HIVEP3: variants seen among roughly 807,000 people sequenced by gnomAD.
HIVEP3 encodes the protein HIVEP zinc finger 3, also known as transcription factor HIVEP3.
Under a neutral mutation model 152.8 loss-of-function variants are expected in HIVEP3, and 49 were observed. That is an observed-to-expected ratio of 0.32 (90% CI 0.26 to 0.41). HIVEP3 has a LOEUF of 0.41. HIVEP3 is among the 10% of genes least tolerant of loss of function. HIVEP3 has a pLI of 1.00. For missense variants in HIVEP3, 2,790 were observed against 3,103.3 expected (o/e 0.90, Z 2.40); for synonymous variants, 1,269 against 1,289.0 (o/e 0.98, Z 0.33).
chr1:41,664,012 C>T lies in HIVEP3; in HGVS notation c.-720-35065G>A, dbSNP rs1645757334. Among the ~76,000 whole-genome samples the T allele has an allele frequency of 6.6e-6, 1 of 152,200 alleles. No individual in the cohort carries two copies. The highest frequency in any genetic ancestry group is 1.5e-5 in the Non-Finnish European group (1 of 68,032). ...GAGCTCAGCCCATCCTGCCATTTGC[C>T]CAGCCACCACCCCCAACACGCACCA... On this transcript the variant is annotated intron_variant, in intron 2 of 8. Transcript: ENST00000372583. The surrounding 1 kb of genome is among the most constrained non-coding windows in gnomAD (Gnocchi z 4.4).
intron 3 of HIVEP3, among the ~76,000 whole-genome samples, chr1:41,605,764 T>C (rs1644814511): frequency 6.6e-6 from 1 of 151,858 alleles, no homozygotes; most frequent in Non-Finnish European, 1.5e-5. Flanking sequence ...GGGGAAACCC[T>C]AATTGTGTGA....
At chr1:41,792,080 T>C (rs1007598999) in intron 1 of HIVEP3, among the ~76,000 whole-genome samples, 2 of 152,204 alleles carry the variant, frequency 1.3e-5, no homozygotes, top group Non-Finnish European at 2.9e-5. Flanking sequence ...ATATCTACCA[T>C]GAACCCTCTA....
intron 1 of HIVEP3, among the ~76,000 whole-genome samples, chr1:41,796,115 C>T (rs547974891): frequency 2.6e-5 from 4 of 152,292 alleles, no homozygotes; most frequent in South Asian, 2.1e-4. Context: ...TCTATCTGTA[C>T]GTATATTAAA....
intron 2 of HIVEP3, among the ~76,000 whole-genome samples, chr1:41,693,292 G>A (rs1053785558): frequency 4.6e-5 from 7 of 152,088 alleles, no homozygotes; most frequent in East Asian, 1.9e-4. Flanking sequence ...GTATCAATTC[G>A]TGACCCACTA....
intron 1 of HIVEP3, among the ~76,000 whole-genome samples, chr1:41,775,405 C>G (rs1648632618): frequency 6.6e-6 from 1 of 152,226 alleles, no homozygotes; most frequent in Non-Finnish European, 1.5e-5. Flanking sequence ...CCTGAGTTGC[C>G]AAAAACAGCC....
Position 42,018,311 on chromosome 1 carries a change from A to G in HIVEP3, n.119+17496T>C, listed in dbSNP as rs545454731. 1.2e-4 allele frequency among the ~76,000 whole-genome samples: 18 copies of G among 151,520 alleles called. No individual in the cohort carries two copies. The South Asian group carries it at 3.8e-3, about 32-fold the overall frequency. Reference sequence around the variant, plus strand: ...GTTTAAGAAATGTTTGGCTATTCTAAGGATATACAGATATTCTCTTATGTT... The same window carrying G: ...GTTTAAGAAATGTTTGGCTATTCTAGGGATATACAGATATTCTCTTATGTT... On this transcript the variant is annotated intron_variant and non_coding_transcript_variant, in intron 1 of 3. Transcript: ENST00000489103.
At chr1:41,720,307 T>C (rs1015468885) in intron 1 of HIVEP3, among the ~76,000 whole-genome samples, 1 of 152,338 alleles carries the variant, frequency 6.6e-6, no homozygotes, top group South Asian at 2.1e-4. Flanking sequence ...GGAGATCCTA[T>C]AATTTTCCCC....
Position 41,644,661 on chromosome 1 carries a change from C to A in HIVEP3, c.-720-15714G>T, listed in dbSNP as rs1322766122. On this transcript the variant is annotated intron_variant, in intron 2 of 8. Coordinates refer to ENST00000372583, the MANE Select transcript of HIVEP3 (RefSeq NM_024503.5). The stretch of plus-strand genomic sequence containing the variant: ...GTGGCAATCTTCATGCCCATATAAC[C>A]CAGGGATTTAAAGCACACTTGCATA... Among the ~76,000 whole-genome samples, 5 of 150,074 alleles carry A rather than the reference C, an allele frequency of 3.3e-5. No individual in the cohort carries two copies. In the East Asian group the frequency reaches 7.8e-4, roughly 23 times the overall value.
At chr1:41,799,691 G>A (rs1650190608) in intron 1 of HIVEP3, among the ~76,000 whole-genome samples, 1 of 152,010 alleles carries the variant, frequency 6.6e-6, no homozygotes, top group Non-Finnish European at 1.5e-5. Flanking sequence ...CCAAGAATGA[G>A]TTTCTTAGTT....
intron 1 of HIVEP3, among the ~76,000 whole-genome samples, chr1:41,975,299 C>A (rs1390050197): frequency 6.6e-6 from 1 of 152,182 alleles, no homozygotes; most frequent in Non-Finnish European, 1.5e-5. Flanking sequence ...AATCTGCCTG[C>A]AAATCTTTAT....
chr1:41,834,880 G>A (rs1222707844), intron 1 of HIVEP3, among the ~76,000 whole-genome samples: 1 of 152,138 alleles, frequency 6.6e-6, no homozygotes, highest in Non-Finnish European at 1.5e-5. Flanking sequence ...AGAACAGCAA[G>A]TGCAATGGCC....
intron 1 of HIVEP3, among the ~76,000 whole-genome samples, chr1:41,764,973 C>A (rs732554): frequency 6.6e-6 from 1 of 152,094 alleles, no homozygotes; most frequent in Non-Finnish European, 1.5e-5. Context: ...AGGTGCCCAT[C>A]ACCTTGCATT....
intron 1 of HIVEP3, among the ~76,000 whole-genome samples, chr1:41,726,545 C>T (rs1646755069): frequency 6.6e-6 from 1 of 152,176 alleles, no homozygotes; most frequent in African/African-American, 2.4e-5. Flanking sequence ...CCCAGTGTCA[C>T]ATAGATAGCA....
At chr1:41,751,855 C>T (rs1036509582) in intron 1 of HIVEP3, among the ~76,000 whole-genome samples, 3 of 152,248 alleles carry the variant, frequency 2.0e-5, no homozygotes, top group Admixed American at 1.3e-4. Context: ...CTCAGGCTGC[C>T]GATGAGCAAG....
chr1:41,871,141 C>T (rs1272098222), intron 1 of HIVEP3, among the ~76,000 whole-genome samples: 1 of 152,176 alleles, frequency 6.6e-6, no homozygotes, highest in Non-Finnish European at 1.5e-5. Flanking sequence ...CCAAGATTTC[C>T]TATTACAAAA....
At chr1:41,835,678 T>C (rs1386743407) in intron 1 of HIVEP3, among the ~76,000 whole-genome samples, 1 of 152,172 alleles carries the variant, frequency 6.6e-6, no homozygotes, top group Non-Finnish European at 1.5e-5. Flanking sequence ...AGGAAATGGA[T>C]GTAGATCACG....
rs1339316944 is a variant in HIVEP3 at position 41,506,911 on chromosome 1, T to G, written c.*3540A>C. On this transcript the variant is annotated 3_prime_UTR_variant, in exon 9 of 9. Transcript: ENST00000372583. ...TTCTTTTTTCTGTTTCTTTTCTTTCTTTCTTTTTTTACATACTAGATTTAT... is the reference window on the plus strand; with the variant it reads ...TTCTTTTTTCTGTTTCTTTTCTTTCGTTCTTTTTTTACATACTAGATTTAT... The G allele has an allele frequency of 6.6e-6, 1 of 152,014 alleles. No homozygotes were observed. Among genetic ancestry groups the G allele is most frequent in the Non-Finnish European group, 1.5e-5 (1 of 68,016 alleles). 9.4% of individuals were successfully genotyped at this position (152,014 alleles called of 1,614,324 possible).
At chr1:41,903,013 T>C (rs1644651499) in intron 1 of HIVEP3, among the ~76,000 whole-genome samples, 1 of 152,222 alleles carries the variant, frequency 6.6e-6, no homozygotes. Context: ...AAAAACTGGA[T>C]AACTTGGGTT....
intron 1 of HIVEP3, among the ~76,000 whole-genome samples, chr1:41,829,301 T>A (rs1642893906): frequency 6.6e-6 from 1 of 152,230 alleles, no homozygotes; most frequent in Non-Finnish European, 1.5e-5. Flanking sequence ...ACCAAAAATA[T>A]CACATTGATG....
Sources: allele counts gnomAD v4.1 joint callset (sites outside exome capture counted in the v4.1 genomes callset), GRCh38; gene constraint gnomAD v4.1.1; non-coding constraint Gnocchi (gnomAD v3.1); transcripts MANE v1.5; gene names NCBI Gene and HGNC (gene_info 2026-07-23, HGNC 2026-07-21).